USP6NL: variants seen among roughly 807,000 people sequenced by gnomAD.
USP6NL encodes USP6 N-terminal-like protein.
A neutral mutation model predicts 61.9 loss-of-function variants in USP6NL; 26 were observed. That is an observed-to-expected ratio of 0.42 (90% confidence interval 0.31 to 0.58). USP6NL has a LOEUF of 0.58. USP6NL is among the 20% of genes least tolerant of loss of function. The pLI, the probability that USP6NL is intolerant of heterozygous loss-of-function variation, is 0.16. For synonymous variants in USP6NL, 432 were observed against 390.1 expected (o/e 1.11, Z -1.27); for missense variants, 1,114 against 1,034.3 (o/e 1.08, Z -1.06).
chr10:11,469,718 G>A (rs777866260), intron 14 of USP6NL, among the ~76,000 whole-genome samples: 1 of 152,170 alleles, frequency 6.6e-6, no homozygotes, highest in Non-Finnish European at 1.5e-5. Context: ...GAGGCTGGAG[G>A]CCCCGCACAG....
intron 2 of USP6NL, chr10:11,565,019 G>C (rs1256123503): frequency 1.3e-5 from 2 of 152,170 alleles, no homozygotes; most frequent in Non-Finnish European, 2.9e-5. Context: ...GAAGTTGTAT[G>C]ATCTTACTAC....
intron 5 of USP6NL, among the ~76,000 whole-genome samples, chr10:11,514,049 C>T (rs561459740): frequency 2.6e-5 from 4 of 152,332 alleles, no homozygotes; most frequent in South Asian, 4.1e-4. Flanking sequence ...CCACTTCTAG[C>T]GATGATGCTA....
intron 2 of USP6NL, among the ~76,000 whole-genome samples, chr10:11,542,739 C>CA (rs1329018620): frequency 6.6e-6 from 1 of 151,968 alleles, no homozygotes; most frequent in Non-Finnish European, 1.5e-5. Flanking sequence ...AATAATAAAA[C>CA]AAAAGCATGG....
intron 8 of USP6NL, among the ~76,000 whole-genome samples, chr10:11,492,325 A>G (rs2133268585): frequency 1.3e-5 from 2 of 152,358 alleles, no homozygotes; most frequent in South Asian, 4.1e-4. Flanking sequence ...TATACAAAAC[A>G]CTGATCTAGG....
chr10:11,610,151 G>T (rs1838842259), intron 1 of USP6NL, among the ~76,000 whole-genome samples: 2 of 151,994 alleles, frequency 1.3e-5, no homozygotes, highest in African/African-American at 4.8e-5. Flanking sequence ...TCCTTTAAAA[G>T]TTAACTTATA....
Position 11,463,896 on chromosome 10 carries a change from G to T in USP6NL, c.1079-47C>A. On this transcript the variant is annotated intron_variant, in intron 14 of 14. Coordinates refer to ENST00000609104, the MANE Select transcript of USP6NL (RefSeq NM_014688.5). The surrounding 1 kb of genome is among the most constrained non-coding windows in gnomAD (Gnocchi z 6.3). ...AAGTAAGATAATACACGAGTAAACAGTAGCCAGTTGAAGCAATCCATTAGT... is the reference window on the plus strand; with the variant it reads ...AAGTAAGATAATACACGAGTAAACATTAGCCAGTTGAAGCAATCCATTAGT... 1 of 1,445,210 alleles carries T rather than the reference G, an allele frequency of 6.9e-7. No individual in the cohort carries two copies. The highest frequency in any genetic ancestry group is 9.1e-7 in the Non-Finnish European group (1 of 1,093,728). The allele number at this position is 1,445,210 out of a possible 1,614,324, so 89.5% of individuals were successfully genotyped here. A position where few individuals can be genotyped will look rare whatever the true frequency, so the allele number is the denominator to read the frequency against.
In USP6NL at chr10:11,537,628, C is replaced by T. The variant is rs544438082; in HGVS notation, c.5-10061G>A. On this transcript the variant is annotated intron_variant, in intron 2 of 14. Transcript: ENST00000609104. This position sits in a 1 kb window ranked among gnomAD's most constrained non-coding sequence, Gnocchi z 5.1. ...CTTTTTTATTTTTTCATTAAATTTG[C>T]AGAATACACTCTTCAAACAAATTCT... Among the ~76,000 whole-genome samples the T allele has an allele frequency of 6.6e-6, 1 of 152,278 alleles. No homozygotes were observed. Among genetic ancestry groups the T allele is most frequent in the Admixed American group, 6.5e-5 (1 of 15,292 alleles).
At chr10:11,594,380 T>C (rs1165332596) in intron 2 of USP6NL, among the ~76,000 whole-genome samples, 2 of 152,226 alleles carry the variant, frequency 1.3e-5, no homozygotes, top group East Asian at 3.8e-4. Flanking sequence ...CCAATCTTTT[T>C]AACCGACATC....
intron 7 of USP6NL, among the ~76,000 whole-genome samples, chr10:11,498,135 G>C (rs1591846524): frequency 6.7e-6 from 1 of 149,064 alleles, no homozygotes; most frequent in African/African-American, 2.5e-5. Flanking sequence ...TACTCGGTAG[G>C]CTGAAGCAGA....
At position 11,462,755 on chromosome 10, in the gene USP6NL, G is replaced by A; in HGVS notation, c.2173C>T (p.Pro725Ser). The change falls in exon 15 of 15, where the codon CCA (proline) becomes TCA (serine). Residue 725 changes from proline to serine, a missense_variant. By Grantham distance (74) the Pro-to-Ser change is moderately conservative (BLOSUM62 -1). Transcript: ENST00000609104. Reference sequence around the variant, plus strand: ...TTATCTGGCAAGTAATCCACTGGTGGAATGATCAATTTTCCATTCTTTGGT... The same window carrying A: ...TTATCTGGCAAGTAATCCACTGGTGAAATGATCAATTTTCCATTCTTTGGT... ...GSPKNGKLII[P>S]PVDYLPDNRT... The A allele has an allele frequency of 6.2e-7, 1 of 1,613,986 alleles. No homozygotes were observed. Among genetic ancestry groups the A allele is most frequent in the Non-Finnish European group, 8.5e-7 (1 of 1,179,882 alleles).
chr10:11,589,557 T>C lies in USP6NL; in HGVS notation c.4+8074A>G, dbSNP rs1427588060. The stretch of plus-strand genomic sequence containing the variant: ...GCTTTTACAAATTTCTCTCAAGTTA[T>C]AATCAAGCAAATATATTCTCCCTTA... On this transcript the variant is annotated intron_variant, in intron 2 of 14. Transcript: ENST00000609104. The surrounding 1 kb of genome is among the most constrained non-coding windows in gnomAD (Gnocchi z 4.7). Among the ~76,000 whole-genome samples the C allele has an allele frequency of 6.6e-6, 1 of 152,214 alleles. No individual in the cohort carries two copies. Among genetic ancestry groups the C allele is most frequent in the Non-Finnish European group, 1.5e-5 (1 of 68,034 alleles).
intron 2 of USP6NL, chr10:11,564,945 T>C (rs927151609): frequency 2.6e-5 from 4 of 152,246 alleles, no homozygotes; most frequent in African/African-American, 4.8e-5. Flanking sequence ...GCTCTTGATA[T>C]TGACTAATTA....
At position 11,600,405 on chromosome 10, in the gene USP6NL, C is replaced by T. The variant is rs1008077468; in HGVS notation, c.-83-2688G>A. ...TAACCTAACATGTAACTGAAGCCAA[C>T]CCACATCTTACAGCCAAACCCAGCC... is the stretch of plus-strand genomic sequence containing the variant. On this transcript the variant is annotated intron_variant, in intron 1 of 14. Transcript: ENST00000609104. The surrounding 1 kb of genome is among the most constrained non-coding windows in gnomAD (Gnocchi z 4.1). Among the ~76,000 whole-genome samples, 11 of 152,152 alleles carry T rather than the reference C, an allele frequency of 7.2e-5. No individual in the cohort carries two copies. Among genetic ancestry groups the T allele is most frequent in the Admixed American group, 5.2e-4 (8 of 15,274 alleles).
At chr10:11,566,134 C>A (rs1008566692) in intron 2 of USP6NL, among the ~76,000 whole-genome samples, 4 of 152,176 alleles carry the variant, frequency 2.6e-5, no homozygotes, top group Admixed American at 6.5e-5. Flanking sequence ...GCTGGACTCT[C>A]TGAAATGCCT....
In USP6NL at chr10:11,463,307, C is replaced by A. The variant is rs772822493; in HGVS notation, c.1621G>T (p.Asp541Tyr). Residue 541 changes from aspartate (D) to tyrosine (Y), a missense_variant, in exon 15 of 15, where the codon GAC (aspartate) becomes TAC (tyrosine). Coordinates refer to ENST00000609104, the MANE Select transcript of USP6NL (RefSeq NM_014688.5). This position sits in a 1 kb window ranked among gnomAD's most constrained non-coding sequence, Gnocchi z 6.3. ...GATGCAGTGGAGCCCCGCTTCCCGT[C>A]CTCAGCATCCAGGGCCTTCATCTTT... ...RPKMKALDAE[D>Y]GKRGSTASQY... is the part of the protein sequence containing the mutation. 2.5e-6 allele frequency: 4 copies of A among 1,613,856 alleles called. No individual in the cohort carries two copies. Among genetic ancestry groups the A allele is most frequent in the Non-Finnish European group, 3.4e-6 (4 of 1,179,908 alleles).
chr10:11,596,825 T>C lies in USP6NL; in HGVS notation c.4+806A>G, dbSNP rs958399700. ...TTTTCACTTATCTACTGCCTAATTA[T>C]TTGAACTGATGATGAGAAAAGCTGC... On this transcript the variant is annotated intron_variant, in intron 2 of 14. Coordinates refer to ENST00000609104, the MANE Select transcript of USP6NL (RefSeq NM_014688.5). This position sits in a 1 kb window ranked among gnomAD's most constrained non-coding sequence, Gnocchi z 4.1. Among the ~76,000 whole-genome samples, 4 of 152,148 alleles carry C rather than the reference T, an allele frequency of 2.6e-5. No individual in the cohort carries two copies. The highest frequency in any genetic ancestry group is 2.6e-4 in the Admixed American group (4 of 15,274).
At chr10:11,507,778 C>T (rs993832360) in intron 6 of USP6NL, among the ~76,000 whole-genome samples, 1 of 152,124 alleles carries the variant, frequency 6.6e-6, no homozygotes, top group East Asian at 1.9e-4. Flanking sequence ...GCATACTAAA[C>T]GCCTGGCACT....
chr10:11,597,678 CA>C lies in USP6NL; in HGVS notation c.-45del. The C allele has an allele frequency of 6.5e-7, 1 of 1,529,634 alleles. No individual in the cohort carries two copies. Among genetic ancestry groups the C allele is most frequent in the Non-Finnish European group, 8.9e-7 (1 of 1,127,058 alleles). The allele number at this position is 1,529,634 out of a possible 1,614,324, so 94.8% of individuals were successfully genotyped here. ...ATGTTGTCCCAATCAGATATTAAAC[CA>C]AAATCTGCTGTCCAAGGTTTCTCAG... On this transcript the variant is annotated 5_prime_UTR_variant, in exon 2 of 15. The change creates a premature stop within an existing upstream ORF in the 5' untranslated region. Coordinates refer to ENST00000609104, the MANE Select transcript of USP6NL (RefSeq NM_014688.5). The surrounding 1 kb of genome is among the most constrained non-coding windows in gnomAD (Gnocchi z 4.6).
intron 7 of USP6NL, 104 bp downstream of exon 7, chr10:11,500,997 A>G: frequency 1.1e-6 from 1 of 877,214 alleles, no homozygotes; most frequent in Non-Finnish European, 1.6e-6. Context: ...GAATTTTAAT[A>G]TAATTTTAAG....
Sources: allele counts gnomAD v4.1 joint callset (sites outside exome capture counted in the v4.1 genomes callset), GRCh38; gene constraint gnomAD v4.1.1; non-coding constraint Gnocchi (gnomAD v3.1); transcripts MANE v1.5; gene names NCBI Gene and HGNC (gene_info 2026-07-23, HGNC 2026-07-21).